The following ERC1 variants were observed in gnomAD, a reference collection of about 807,000 sequenced individuals.
ERC1 encodes the protein ELKS/RAB6-interacting/CAST family member 1.
ERC1 carries 56 observed loss-of-function variants against 132.0 expected under a neutral mutation model. The observed-to-expected ratio is 0.42, with a 90% CI of 0.34 to 0.53. The LOEUF (loss-of-function observed/expected upper bound fraction) is 0.53. Ranked by LOEUF, ERC1 falls within the 20% of genes least tolerant of loss-of-function variation. The probability of loss-of-function intolerance (pLI) is 0.03; values close to 1 mark genes in which losing one functional copy is unlikely to be tolerated. For missense variants in ERC1, 1,202 were observed against 1,349.9 expected (o/e 0.89, Z 1.72); for synonymous variants, 478 against 476.1 (o/e 1.00, Z -0.05).
intron 11 of ERC1, among the ~76,000 whole-genome samples, chr12:1,184,317 G>GTT (rs61324516): frequency 3.3e-5 from 5 of 151,504 alleles, no homozygotes; most frequent in African/African-American, 1.2e-4. Flanking sequence ...TTGTCAGAAA[G>GTT]TTTTTTTTAT....
At chr12:1,263,610 C>A (rs553470724) in intron 14 of ERC1, among the ~76,000 whole-genome samples, 1 of 152,304 alleles carries the variant, frequency 6.6e-6, no homozygotes, top group East Asian at 1.9e-4. Context: ...TGGAGCTTGT[C>A]TGTCTGCTAC....
intron 2 of ERC1, among the ~76,000 whole-genome samples, chr12:1,069,933 G>A (rs538792281): frequency 3.7e-4 from 57 of 152,174 alleles, no homozygotes; most frequent in East Asian, 1.5e-3. Flanking sequence ...GAATGAAATC[G>A]AGCTACATGT....
intron 13 of ERC1, among the ~76,000 whole-genome samples, chr12:1,262,291 T>TTA (rs2077192012): frequency 1.3e-5 from 2 of 152,232 alleles, no homozygotes; most frequent in African/African-American, 4.8e-5. Context: ...CTCTCCTATC[T>TTA]TACATGAACT....
intron 12 of ERC1, among the ~76,000 whole-genome samples, chr12:1,217,112 G>A (rs897837532): frequency 6.6e-6 from 1 of 152,122 alleles, no homozygotes; most frequent in African/African-American, 2.4e-5. Context: ...ATCCAGAAGT[G>A]AACAACATAA....
At chr12:1,326,038 G>A (rs2082423697) in intron 15 of ERC1, among the ~76,000 whole-genome samples, 2 of 152,068 alleles carry the variant, frequency 1.3e-5, no homozygotes, top group African/African-American at 4.8e-5. Flanking sequence ...AAAACTTCTT[G>A]TTCCTTTGGA....
At chr12:1,437,381 C>T (rs1209377536) in intron 17 of ERC1, among the ~76,000 whole-genome samples, 2 of 152,178 alleles carry the variant, frequency 1.3e-5, no homozygotes, top group Non-Finnish European at 2.9e-5. Flanking sequence ...TGGTGAATGA[C>T]CTGGTTTTAA....
At chr12:1,081,744 G>A (rs1024357665) in intron 2 of ERC1, among the ~76,000 whole-genome samples, 4 of 152,116 alleles carry the variant, frequency 2.6e-5, no homozygotes, top group African/African-American at 9.7e-5. Context: ...TAAACTTTTG[G>A]TTGAGATGAA....
intron 7 of ERC1, among the ~76,000 whole-genome samples, chr12:1,137,887 A>G (rs963897276): frequency 1.4e-5 from 2 of 143,356 alleles, no homozygotes. Flanking sequence ...ATAATATGTT[A>G]CATATTATGT....
intron 2 of ERC1, among the ~76,000 whole-genome samples, chr12:1,053,468 T>C (rs780953661): frequency 1.2e-4 from 19 of 152,214 alleles, no homozygotes; most frequent in Non-Finnish European, 2.5e-4. Context: ...GAGCTAATGC[T>C]AGGATTCCCT....
chr12:1,325,191 A>C (rs73036627), intron 15 of ERC1, among the ~76,000 whole-genome samples: 5,268 of 152,238 alleles, frequency 0.035, 97 homozygotes, highest in Middle Eastern at 0.075. Context: ...TAAAAATTCT[A>C]TTATTCCCAC....
intron 15 of ERC1, among the ~76,000 whole-genome samples, chr12:1,360,411 G>T (rs1566675699): frequency 6.6e-6 from 1 of 152,128 alleles, no homozygotes; most frequent in East Asian, 1.9e-4. Flanking sequence ...CTTCATTGGG[G>T]CTGTCATGGC....
At chr12:1,042,120 C>T (rs1970310967) in intron 2 of ERC1, among the ~76,000 whole-genome samples, 1 of 152,116 alleles carries the variant, frequency 6.6e-6, no homozygotes, top group Non-Finnish European at 1.5e-5. Flanking sequence ...TCATTGCACG[C>T]TCCGCTTCCC....
chr12:1,079,232 TAAG>T (rs1185245007), intron 2 of ERC1, among the ~76,000 whole-genome samples: 1 of 150,880 alleles, frequency 6.6e-6, no homozygotes, highest in African/African-American at 2.4e-5. Flanking sequence ...TGATTTGTAA[TAAG>T]ACAAAAGTCG....
intron 15 of ERC1, among the ~76,000 whole-genome samples, chr12:1,348,968 A>G (rs201309383): frequency 1.2e-4 from 19 of 152,318 alleles, no homozygotes; most frequent in East Asian, 1.2e-3. Flanking sequence ...ATACAGTCCA[A>G]TCATTTTGAT....
chr12:999,794 C>G (rs565304978), intron 1 of ERC1, among the ~76,000 whole-genome samples: 1 of 152,004 alleles, frequency 6.6e-6, no homozygotes, highest in African/African-American at 2.4e-5. Context: ...GGGATTTCTC[C>G]ATGTTGGTCA....
At chr12:1,060,350 C>T (rs1029758023) in intron 2 of ERC1, among the ~76,000 whole-genome samples, 3 of 151,688 alleles carry the variant, frequency 2.0e-5, no homozygotes, top group African/African-American at 7.3e-5. Flanking sequence ...CAACAGTCCC[C>T]AGAGTGTGAT....
chr12:1,261,056 C>T (rs1237405550), intron 13 of ERC1, among the ~76,000 whole-genome samples: 1 of 152,176 alleles, frequency 6.6e-6, no homozygotes, highest in Non-Finnish European at 1.5e-5. Context: ...CACTATGAAA[C>T]TTGATTCTCT....
At chr12:1,292,188 A>AT (rs754582803) in intron 15 of ERC1, among the ~76,000 whole-genome samples, 4 of 152,120 alleles carry the variant, frequency 2.6e-5, no homozygotes, top group African/African-American at 4.8e-5. Flanking sequence ...TTACAAGTCC[A>AT]TTTTTTATTT....
intron 15 of ERC1, among the ~76,000 whole-genome samples, chr12:1,311,128 T>C (rs1435739013): frequency 6.6e-6 from 1 of 152,228 alleles, no homozygotes; most frequent in African/African-American, 2.4e-5. Context: ...AAGTTCATGT[T>C]TTGTAACTTT....
Sources: allele counts gnomAD v4.1 joint callset (sites outside exome capture counted in the v4.1 genomes callset), GRCh38; gene constraint gnomAD v4.1.1; transcripts MANE v1.5; gene names NCBI Gene and HGNC (gene_info 2026-07-23, HGNC 2026-07-21).